PPP1R42: variants seen among roughly 807,000 people sequenced by gnomAD.
The protein encoded by PPP1R42 is leucine rich repeat containing 67.
A neutral mutation model predicts 31.0 loss-of-function variants in PPP1R42; 34 were observed. The observed-to-expected ratio is 1.10, with a 90% CI of 0.83 to 1.46. The LOEUF (loss-of-function observed/expected upper bound fraction) is 1.46, where lower values mean the gene tolerates loss of function less well. Ranked by LOEUF, PPP1R42 falls within the 40% of genes most tolerant of loss-of-function variation. The pLI is 0.00. For synonymous variants in PPP1R42, 103 were observed against 109.8 expected, an observed-to-expected ratio of 0.94 and a Z score of 0.39; for missense variants, 268 against 303.0, an observed-to-expected ratio of 0.88 and a Z score of 0.86.
At chr8:67,023,847 T>A (rs1816297893) in intron 1 of PPP1R42, among the ~76,000 whole-genome samples, 1 of 151,966 alleles carries the variant, frequency 6.6e-6, no homozygotes, top group South Asian at 2.1e-4. Flanking sequence ...AGTTTTTTTT[T>A]AAGATAGCCA....
At chr8:66,992,267 T>C (rs1196070804) in intron 5 of PPP1R42, among the ~76,000 whole-genome samples, 1 of 152,144 alleles carries the variant, frequency 6.6e-6, no homozygotes, top group Admixed American at 6.5e-5. Context: ...AAATCTCTAT[T>C]AAAGTTTCCA....
At chr8:66,976,417 C>T (rs2130917952) in intron 7 of PPP1R42, among the ~76,000 whole-genome samples, 1 of 152,288 alleles carries the variant, frequency 6.6e-6, no homozygotes, top group South Asian at 2.1e-4. Flanking sequence ...GAAAAATTGT[C>T]TTCCACAAAA....
chr8:67,016,173 G>C (rs1322166527), intron 2 of PPP1R42, among the ~76,000 whole-genome samples: 1 of 152,178 alleles, frequency 6.6e-6, no homozygotes, highest in African/African-American at 2.4e-5. Flanking sequence ...TGGGAGCTGG[G>C]TTGGGGTCCC....
At chr8:67,020,367 A>G (rs950504831) in intron 1 of PPP1R42, among the ~76,000 whole-genome samples, 4 of 152,050 alleles carry the variant, frequency 2.6e-5, no homozygotes, top group African/African-American at 9.6e-5. Context: ...TGCCCGGCTA[A>G]TTTTTGTATT....
chr8:66,991,093 A>G (rs1012082903), intron 5 of PPP1R42, among the ~76,000 whole-genome samples: 1 of 152,186 alleles, frequency 6.6e-6, no homozygotes, highest in East Asian at 1.9e-4. Context: ...GTAAATCACT[A>G]ATATATCTGA....
chr8:66,975,205 C>T (rs1814635195), intron 7 of PPP1R42, among the ~76,000 whole-genome samples: 1 of 152,114 alleles, frequency 6.6e-6, no homozygotes, highest in Non-Finnish European at 1.5e-5. Flanking sequence ...TTTCTTTCAT[C>T]AATGTTTTGT....
chr8:67,003,338 G>GT (rs34080545), intron 5 of PPP1R42, among the ~76,000 whole-genome samples: 10,529 of 108,484 alleles, frequency 0.097, 873 homozygotes, highest in African/African-American at 0.24. Flanking sequence ...TCATTTCTGG[G>GT]TTTTTTTTTT....
At chr8:66,986,101 T>G in intron 6 of PPP1R42, 1 of 713,530 alleles carries the variant, frequency 1.4e-6, no homozygotes. Flanking sequence ...TTCTTGTCCA[T>G]GCTCTTCCCT....
chr8:67,013,371 G>A (rs1012639600), intron 3 of PPP1R42, among the ~76,000 whole-genome samples: 1 of 151,352 alleles, frequency 6.6e-6, no homozygotes, highest in Non-Finnish European at 1.5e-5. Context: ...CATATGAAAA[G>A]CCCGGGTAGA....
At position 66,982,174 on chromosome 8, in the gene PPP1R42, A is replaced by G. The variant is rs759514364; in HGVS notation, c.677T>C (p.Leu226Pro). The G allele has an allele frequency of 7.1e-7, 1 of 1,411,040 alleles. No individual in the cohort carries two copies. Among genetic ancestry groups the G allele is most frequent in the Non-Finnish European group, 9.2e-7 (1 of 1,082,284 alleles). The allele number at this position is 1,411,040 out of a possible 1,614,324, so 87.4% of individuals were successfully genotyped here. Reference sequence around the variant, plus strand: ...TATATTTTTAATTTCTTTTCCATCAAGAAATTCTGGAGAAAAATACATACA... The same window carrying G: ...TATATTTTTAATTTCTTTTCCATCAGGAAATTCTGGAGAAAAATACATACA... ...LILVSKSLEF[L>P]DGKEIKNIER... Residue 226 changes from leucine (L) to proline (P), a missense_variant, in exon 7 of 8, where the codon CTT becomes CCT. Transcript: ENST00000685739.
chr8:67,021,186 ATCAGTGCTTAGAAGGAAAAATGAAT>A (rs1816205832), intron 1 of PPP1R42: 1 of 152,200 alleles, frequency 6.6e-6, no homozygotes, highest in Non-Finnish European at 1.5e-5. Context: ...TGTATATGAA[ATCAGTGCTTAGAAGGAAAAATGAAT>A]TCAGTAGACT....
chr8:67,009,461 G>A lies in PPP1R42; in HGVS notation c.552+1254C>T, dbSNP rs944198670. On this transcript the variant is annotated intron_variant, in intron 5 of 7. Transcript: ENST00000685739. ...CAGGCACCTGTAATCCCAGATACTC[G>A]GGAGGCTGAGGCAGGAGAATCACTT... Among the ~76,000 whole-genome samples the A allele has an allele frequency of 1.3e-3, 194 of 152,078 alleles. 2 individuals are homozygous for A. Among genetic ancestry groups the A allele is most frequent in the Non-Finnish European group, 2.6e-4 (18 of 67,972 alleles).
At chr8:67,024,846 A>T (rs1385587333) in intron 1 of PPP1R42, among the ~76,000 whole-genome samples, 3 of 151,828 alleles carry the variant, frequency 2.0e-5, no homozygotes, top group Non-Finnish European at 4.4e-5. Context: ...CTAATGTTAA[A>T]TTTTTTTGCA....
chr8:67,003,962 C>G (rs1390646832), intron 5 of PPP1R42, among the ~76,000 whole-genome samples: 1 of 151,982 alleles, frequency 6.6e-6, no homozygotes, highest in African/African-American at 2.4e-5. Context: ...TGGTGGCGGG[C>G]GCCTGTAGTC....
Position 66,997,273 on chromosome 8 carries a change from T to A in PPP1R42, c.553-8756A>T, listed in dbSNP as rs146969426. Among the ~76,000 whole-genome samples the A allele has an allele frequency of 2.0e-3, 306 of 152,280 alleles. 2 individuals carry two copies. Among genetic ancestry groups the A allele is most frequent in the Middle Eastern group, 3.4e-3 (1 of 294 alleles). On this transcript the variant is annotated intron_variant, in intron 5 of 7. Transcript: ENST00000685739. Reference sequence around the variant, plus strand: ...GTAACTTTAAAGTTGTGAAATCAGGTAGGGTAAGTCTCCAAATGTATTTTA... The same window carrying A: ...GTAACTTTAAAGTTGTGAAATCAGGAAGGGTAAGTCTCCAAATGTATTTTA...
At chr8:66,966,787 A>G (rs572363663) in intron 7 of PPP1R42, among the ~76,000 whole-genome samples, 31 of 149,702 alleles carry the variant, frequency 2.1e-4, no homozygotes, top group African/African-American at 6.9e-4. Context: ...TCCGTCTCCA[A>G]AAAAAAAAAA....
At chr8:66,987,423 C>T (rs1046415452) in intron 6 of PPP1R42, among the ~76,000 whole-genome samples, 1 of 151,398 alleles carries the variant, frequency 6.6e-6, no homozygotes, top group South Asian at 2.1e-4. Context: ...TCCCGAGTAG[C>T]TGAGATTACA....
intron 4 of PPP1R42, 72 bp from the exon 5 acceptor site, chr8:67,010,903 T>A (rs1815823606): frequency 1.4e-6 from 2 of 1,380,366 alleles, no homozygotes; most frequent in Admixed American, 5.2e-5. Flanking sequence ...GAAATCCTAA[T>A]CTTTGAAAAG....
At chr8:66,974,556 GA>G (rs894352205) in intron 7 of PPP1R42, among the ~76,000 whole-genome samples, 1 of 150,348 alleles carries the variant, frequency 6.7e-6, no homozygotes, top group Non-Finnish European at 1.5e-5. Flanking sequence ...CTCTGTCTCG[GA>G]AAAAAAAATA....
Sources: allele counts gnomAD v4.1 joint callset (sites outside exome capture counted in the v4.1 genomes callset), GRCh38; gene constraint gnomAD v4.1.1; transcripts MANE v1.5; gene names NCBI Gene and HGNC (gene_info 2026-07-23, HGNC 2026-07-21).